Variants in DMPK observed in about 807,000 individuals in gnomAD.
The protein encoded by DMPK is myotonin-protein kinase.
In DMPK, 32 loss-of-function variants were observed where a neutral mutation model predicts 70.3. That is an observed-to-expected ratio of 0.46 (90% confidence interval 0.34 to 0.61). The LOEUF (loss-of-function observed/expected upper bound fraction) is 0.61. Among genes scored for constraint, DMPK ranks in the 20% least tolerant of loss-of-function variants. The probability of loss-of-function intolerance (pLI) is 0.01; values close to 1 mark genes in which losing one functional copy is unlikely to be tolerated. For synonymous variants in DMPK, 469 were observed against 390.9 expected (o/e 1.20, Z -2.36); for missense variants, 899 against 886.0 (o/e 1.01, Z -0.19).
intron 10 of DMPK, 85 bp downstream of exon 10, chr19:45,772,556 G>GCTCT: frequency 1.3e-6 from 1 of 790,372 alleles, no homozygotes; most frequent in Non-Finnish European, 2.0e-6. Flanking sequence ...TCCCTAGAGG[G>GCTCT]CTCTACAGTG....
rs975347598 is a variant in DMPK, at chr19:45,770,727, G to T, written c.1738-87C>A. ...CCCGCCTACGCCCATAGGTGGGCCCGCACTCTTCCCTGCGCCCCGCCCCCG... is the reference window on the plus strand; with the variant it reads ...CCCGCCTACGCCCATAGGTGGGCCCTCACTCTTCCCTGCGCCCCGCCCCCG... On this transcript the variant is annotated intron_variant, in intron 14 of 14. Transcript: ENST00000291270. 2.8e-6 allele frequency: 4 copies of T among 1,416,028 alleles called. No individual in the cohort carries two copies. The Admixed American group carries it at 6.9e-5, about 24-fold the overall frequency. The allele number at this position is 1,416,028 out of a possible 1,614,324, so 87.7% of individuals were successfully genotyped here.
Position 45,771,681 on chromosome 19 carries a change from G to C in DMPK, c.1503-16C>G. 2 of 1,613,756 alleles carry C rather than the reference G, an allele frequency of 1.2e-6. No homozygotes were observed. The highest frequency in any genetic ancestry group is 1.6e-4 in the Middle Eastern group (1 of 6,062). ...GCGTAGTTGACTGTGGGGAGGTAAG[G>C]ACGGTGAGTCCGTCCGGGCCGGACG... On this transcript the variant is annotated splice_polypyrimidine_tract_variant and intron_variant, in intron 11 of 14. Coordinates refer to ENST00000291270, the MANE Select transcript of DMPK (RefSeq NM_004409.5).
chr19:45,782,361 G>C lies in DMPK; in HGVS notation c.-9C>G. ...CGCACCTCGGCTGACATGTTGGACA[G>C]GCAGCACCATGGCCCCTCCCCGGGC... On this transcript the variant is annotated 5_prime_UTR_variant, in exon 1 of 15. Transcript: ENST00000291270. The C allele has an allele frequency of 1.3e-6, 2 of 1,562,562 alleles. No homozygotes were observed. Among genetic ancestry groups the C allele is most frequent in the Non-Finnish European group, 8.7e-7 (1 of 1,154,728 alleles).
In DMPK at chr19:45,778,111, C is replaced by T. The variant is rs1222278737; in HGVS notation, c.675+16G>A. 1.3e-5 allele frequency: 21 copies of T among 1,599,656 alleles called. No individual in the cohort carries two copies. The highest frequency in any genetic ancestry group is 1.7e-5 in the Non-Finnish European group (20 of 1,171,346). The stretch of plus-strand genomic sequence containing the variant: ...TCAGCAGCCCCAGTTGCTCTGTGGC[C>T]AGGGCACTGGCTCACCGTTCCATCT... On this transcript the variant is annotated intron_variant, in intron 6 of 14. Transcript: ENST00000291270.
intron 4 of DMPK, chr19:45,778,860 G>A (rs1358277448): frequency 1.1e-5 from 6 of 558,068 alleles, no homozygotes; most frequent in Non-Finnish European, 1.9e-5. Context: ...AACTTTCCTG[G>A]GATGTCACTG....
intron 1 of DMPK, 24 bp downstream of exon 1, chr19:45,782,169 G>A (rs1255756191): frequency 1.5e-5 from 12 of 793,614 alleles, no homozygotes; most frequent in South Asian, 4.6e-5. Flanking sequence ...CCCATCTGCA[G>A]GAGCCCCGAG....
Position 45,777,946 on chromosome 19 carries a change from C to T in DMPK, c.676-73G>A, listed in dbSNP as rs566079768. 1.1e-5 allele frequency: 16 copies of T among 1,432,874 alleles called. No individual in the cohort carries two copies. In the East Asian group the frequency reaches 3.7e-4, roughly 33 times the overall value. 88.8% of individuals were successfully genotyped at this position (1,432,874 alleles called of 1,614,324 possible). On this transcript the variant is annotated intron_variant, in intron 6 of 14. Coordinates refer to ENST00000291270, the MANE Select transcript of DMPK (RefSeq NM_004409.5). The surrounding 1 kb of genome is among the most constrained non-coding windows in gnomAD (Gnocchi z 6.7). ...CACCAGCTCTGGGCCCTCCTTCCAA[C>T]CACTCCCCAAATGCTTAGCCCCTCC...
At position 45,771,014 on chromosome 19, in the gene DMPK, C is replaced by A. The variant is rs1969388707; in HGVS notation, c.1694G>T (p.Gly565Val). The A allele has an allele frequency of 1.4e-6, 2 of 1,476,584 alleles. No homozygotes were observed. Among genetic ancestry groups the A allele is most frequent in the African/African-American group, 1.4e-5 (1 of 69,408 alleles). The allele number at this position is 1,476,584 out of a possible 1,614,324, so 91.5% of individuals were successfully genotyped here. Residue 565 changes from glycine (G) to valine (V), a missense_variant, in exon 14 of 15, where the codon GGG becomes GTG. Gly to Val is a moderately radical substitution (Grantham distance 109). Transcript: ENST00000291270. ...AVAVGQCPLV[G>V]PGPMHRRHLL... ...GTGGCGGCGGTGCATGGGGCCTGGC[C>A]CCACCAGCGGGCACTGGCCCACAGC... is the stretch of plus-strand genomic sequence containing the variant.
intron 10 of DMPK, chr19:45,772,219 C>T: frequency 4.5e-6 from 2 of 444,390 alleles, no homozygotes; most frequent in South Asian, 4.1e-5. Flanking sequence ...CTCCCTAATG[C>T]CCTCACGACA....
chr19:45,770,254 AGCAGCAGCAGC>A lies in DMPK; in HGVS notation c.*223_*233del. 2.0e-6 allele frequency: 1 copy of A among 505,874 alleles called. No individual in the cohort carries two copies. The highest frequency in any genetic ancestry group is 3.0e-6 in the Non-Finnish European group (1 of 332,618). The allele number at this position is 505,874 out of a possible 1,614,324, so 31.3% of individuals were successfully genotyped here. ...CAGCAGCAGCAGCAGCAGCAGCAGC[AGCAGCAGCAGC>A]ATTCCCGGCTACAAGGACCCTTCGA... On this transcript the variant is annotated 3_prime_UTR_variant, in exon 15 of 15. Coordinates refer to ENST00000291270, the MANE Select transcript of DMPK (RefSeq NM_004409.5).
At position 45,772,577 on chromosome 19, in the gene DMPK, G is replaced by A. The variant is rs558534447; in HGVS notation, c.1344+64C>T. On this transcript the variant is annotated intron_variant, in intron 10 of 14. Coordinates refer to ENST00000291270, the MANE Select transcript of DMPK (RefSeq NM_004409.5). ...GAGGGCTCTACAGTGCACGCCACCC[G>A]GGAAGCCCTCACCTTTTCTCTCCCA... 1.0e-4 allele frequency: 110 copies of A among 1,102,568 alleles called. No homozygotes were observed. In the Admixed American group the frequency reaches 1.1e-3, roughly 11 times the overall value. The allele number at this position is 1,102,568 out of a possible 1,614,324, so 68.3% of individuals were successfully genotyped here. A position where few individuals can be genotyped will look rare whatever the true frequency, so the allele number is the denominator to read the frequency against.
chr19:45,782,274 C>G lies in DMPK; in HGVS notation c.79G>C (p.Asp27His), dbSNP rs761649903. ...PGFLGLEPLL[D>H]LLLGVHQELG... ...TCCTGGTGGACGCCCAGGAGAAGGT[C>G]GAGCAGGGGCTCCAGCCCCAGGAAG... The change falls in exon 1 of 15, where the codon GAC becomes CAC. Residue 27 changes from aspartate to histidine, a missense_variant. Physicochemically the swap from Asp to His is moderately conservative, Grantham distance 81. Around this residue, in one of 3 missense-constraint regions of DMPK, gnomAD observed 149 missense variants for 142.5 expected, o/e 1.05. Coordinates refer to ENST00000291270, the MANE Select transcript of DMPK (RefSeq NM_004409.5). The G allele has an allele frequency of 6.2e-7, 1 of 1,605,240 alleles. No homozygotes were observed. The highest frequency in any genetic ancestry group is 8.5e-7 in the Non-Finnish European group (1 of 1,176,816).
intron 1 of DMPK, chr19:45,780,320 T>G: frequency 6.4e-7 from 1 of 1,557,892 alleles, no homozygotes; most frequent in Non-Finnish European, 8.7e-7. Context: ...TTGTATCCAG[T>G]ACCTCTAGAT....
chr19:45,779,014 C>A (rs909435386), intron 4 of DMPK: 1 of 589,076 alleles, frequency 1.7e-6, no homozygotes, highest in Middle Eastern at 4.5e-4. Flanking sequence ...GGTAAGAGAC[C>A]CCCCGCAACA....
chr19:45,772,075 C>G, intron 10 of DMPK, 147 bp from the exon 11 acceptor site: 2 of 1,107,416 alleles, frequency 1.8e-6, no homozygotes, highest in Non-Finnish European at 2.5e-6. Flanking sequence ...CTGCAATGAT[C>G]CAAGCCCCCT....
intron 10 of DMPK, chr19:45,772,205 C>T: frequency 2.1e-6 from 1 of 474,424 alleles, no homozygotes; most frequent in Non-Finnish European, 3.7e-6. Context: ...CAAAATCCCT[C>T]CAGCTCCCTA....
chr19:45,775,078 C>A (rs755461013), intron 8 of DMPK, 44 bp from the exon 9 acceptor site: 20 of 1,499,112 alleles, frequency 1.3e-5, no homozygotes, highest in Non-Finnish European at 1.7e-5. Context: ...TCAGGGCGGG[C>A]CCCTCACTGC....
chr19:45,779,467 T>C lies in DMPK; in HGVS notation c.308A>G (p.Asn103Ser), dbSNP rs1969985127. 1 of 1,613,956 alleles carries C rather than the reference T, an allele frequency of 6.2e-7. No homozygotes were observed. Among genetic ancestry groups the C allele is most frequent in the East Asian group, 2.2e-5 (1 of 44,884 alleles). ...TGQVYAMKIM[N>S]KWDMLKRGEV... The stretch of plus-strand genomic sequence containing the variant: ...GCCCCTCTTCAGCATGTCCCACTTG[T>C]TCATGATCTTCATGGCATACACCTG... Residue 103 changes from asparagine to serine, a missense_variant, in exon 3 of 15, where the codon AAC becomes AGC. Transcript: ENST00000291270.
chr19:45,773,626 T>C (rs1188084114), intron 9 of DMPK, among the ~76,000 whole-genome samples: 1 of 152,236 alleles, frequency 6.6e-6, no homozygotes, highest in Non-Finnish European at 1.5e-5. Context: ...TCTAATTTAC[T>C]TGTGATAAGC....
Sources: allele counts gnomAD v4.1 joint callset (sites outside exome capture counted in the v4.1 genomes callset), GRCh38; gene constraint gnomAD v4.1.1; regional missense constraint gnomAD v4.1.1; non-coding constraint Gnocchi (gnomAD v3.1); transcripts MANE v1.5; gene names NCBI Gene and HGNC (gene_info 2026-07-23, HGNC 2026-07-21).